NINL: variants seen among roughly 807,000 people sequenced by gnomAD.
NINL encodes the protein ninein-like protein.
A neutral mutation model predicts 160.3 loss-of-function variants in NINL; 153 were observed. The ratio of observed to expected loss-of-function variants is 0.95; its 90% CI spans 0.84 to 1.09. NINL has a LOEUF of 1.09. Ranked by LOEUF, NINL falls within the 50% of genes least tolerant of loss-of-function variation. The probability of loss-of-function intolerance (pLI) is 0.00; values close to 1 mark genes in which losing one functional copy is unlikely to be tolerated. For synonymous variants in NINL, 800 were observed against 734.8 expected, an observed-to-expected ratio of 1.09 and a Z score of -1.43; for missense variants, 1,829 against 1,764.0, an observed-to-expected ratio of 1.04 and a Z score of -0.66.
intron 17 of NINL, among the ~76,000 whole-genome samples, chr20:25,475,753 G>A (rs2146501830): frequency 6.6e-6 from 1 of 152,310 alleles, no homozygotes; most frequent in Middle Eastern, 3.4e-3. Flanking sequence ...CCAGCTACTT[G>A]GGAGGCTGAT....
At chr20:25,490,235 C>T (rs1343694713) in intron 11 of NINL, among the ~76,000 whole-genome samples, 2 of 152,226 alleles carry the variant, frequency 1.3e-5, no homozygotes, top group African/African-American at 4.8e-5. Flanking sequence ...CCCTCCCTTA[C>T]CCTGTGCTCA....
At chr20:25,512,332 A>AT (rs2064085495) in intron 4 of NINL, among the ~76,000 whole-genome samples, 1 of 152,176 alleles carries the variant, frequency 6.6e-6, no homozygotes, top group Non-Finnish European at 1.5e-5. Flanking sequence ...CTCTTAGCAC[A>AT]TTGACGCTTC....
intron 17 of NINL, among the ~76,000 whole-genome samples, chr20:25,472,239 T>C (rs1003635557): frequency 6.8e-6 from 1 of 146,868 alleles, no homozygotes; most frequent in Non-Finnish European, 1.5e-5. Flanking sequence ...AGACAGAAGA[T>C]GGAAAATATA....
intron 1 of NINL, among the ~76,000 whole-genome samples, chr20:25,546,623 G>C (rs1336697797): frequency 6.6e-6 from 1 of 151,918 alleles, no homozygotes; most frequent in Non-Finnish European, 1.5e-5. Flanking sequence ...CCTTAATAAA[G>C]AGCTCCTAAA....
chr20:25,550,821 C>T (rs2064799722), intron 1 of NINL, among the ~76,000 whole-genome samples: 2 of 152,296 alleles, frequency 1.3e-5, no homozygotes, highest in South Asian at 4.1e-4. Context: ...ATTCCATTCC[C>T]AGGGACCAGC....
At chr20:25,478,365 G>C (rs1251464097) in intron 16 of NINL, among the ~76,000 whole-genome samples, 2 of 152,198 alleles carry the variant, frequency 1.3e-5, no homozygotes, top group African/African-American at 4.8e-5. Flanking sequence ...CTGAGCAGCA[G>C]CCTGTCTGCG....
rs1176471409 is a variant in NINL at position 25,505,024 on chromosome 20, C to T, written c.572G>A (p.Ser191Asn). Residue 191 changes from serine (S) to asparagine (N), a missense_variant, in exon 6 of 24, where the codon AGC becomes AAC. Coordinates refer to ENST00000278886, the MANE Select transcript of NINL (RefSeq NM_025176.6). Reference sequence around the variant, plus strand: ...GCTCTCTGGGGTGTCAAAGGAGGGGCTGCAGGACTTCTGGGGGCTCCCAAA... The same window carrying T: ...GCTCTCTGGGGTGTCAAAGGAGGGGTTGCAGGACTTCTGGGGGCTCCCAAA... ...EDFGSPQKSC[S>N]PSFDTPESQI... is the part of the protein sequence containing the mutation. 6.2e-7 allele frequency: 1 copy of T among 1,612,594 alleles called. No homozygotes were observed. The highest frequency in any genetic ancestry group is 1.3e-5 in the African/African-American group (1 of 75,014).
intron 13 of NINL, among the ~76,000 whole-genome samples, chr20:25,483,309 G>A (rs922464860): frequency 8.6e-5 from 13 of 151,438 alleles, no homozygotes; most frequent in Non-Finnish European, 1.6e-4. Flanking sequence ...ACTCCAGCCT[G>A]GTGACAGAAC....
intron 9 of NINL, 107 bp downstream of exon 9, chr20:25,498,103 T>C (rs755949063): frequency 1.9e-5 from 26 of 1,337,106 alleles, no homozygotes; most frequent in Admixed American, 1.4e-4. Flanking sequence ...GGACTGGCCA[T>C]GTGGGGTGGA....
chr20:25,532,819 G>T (rs1352931697), intron 1 of NINL, among the ~76,000 whole-genome samples: 1 of 152,174 alleles, frequency 6.6e-6, no homozygotes, highest in Non-Finnish European at 1.5e-5. Context: ...AGGAAACGAG[G>T]AGGTACTGTC....
At chr20:25,544,206 C>T (rs1000622398) in intron 1 of NINL, among the ~76,000 whole-genome samples, 3 of 150,728 alleles carry the variant, frequency 2.0e-5, no homozygotes, top group South Asian at 2.1e-4. Flanking sequence ...GGAATCTGGA[C>T]GGGAAAACAG....
chr20:25,506,046 G>A (rs1352642188), intron 5 of NINL, among the ~76,000 whole-genome samples: 2 of 152,180 alleles, frequency 1.3e-5, no homozygotes, highest in Non-Finnish European at 2.9e-5. Context: ...GGTAGATCAC[G>A]AGGTCAGGAG....
intron 8 of NINL, chr20:25,499,052 C>A: frequency 1.0e-6 from 1 of 985,466 alleles, no homozygotes; most frequent in Non-Finnish European, 1.2e-6. Context: ...CTACAAACGC[C>A]CTGCTCAGGC....
At chr20:25,570,784 C>T (rs2147169853) in intron 1 of NINL, among the ~76,000 whole-genome samples, 1 of 134,584 alleles carries the variant, frequency 7.4e-6, no homozygotes, top group Non-Finnish European at 1.5e-5. Context: ...CTCACTGCAA[C>T]CTCCACCTCC....
chr20:25,580,149 G>A (rs4815435), intron 1 of NINL, among the ~76,000 whole-genome samples: 1,635 of 152,190 alleles, frequency 0.011, 77 homozygotes, highest in Admixed American at 0.079. Flanking sequence ...CGTAGACAAC[G>A]TGGTGAAACC....
chr20:25,513,047 C>T (rs766529052), intron 3 of NINL, 41 bp from the exon 4 acceptor site: 14 of 1,570,996 alleles, frequency 8.9e-6, no homozygotes, highest in Non-Finnish European at 1.2e-5. Flanking sequence ...TCCTTTATAG[C>T]AGTTCTGGGC....
chr20:25,516,361 A>T (rs439642), intron 3 of NINL, among the ~76,000 whole-genome samples: 4,124 of 152,298 alleles, frequency 0.027, 180 homozygotes, highest in African/African-American at 0.09. Flanking sequence ...TTAAAATTCT[A>T]ATTGGAAAAG....
intron 1 of NINL, among the ~76,000 whole-genome samples, chr20:25,544,982 C>G (rs950544378): frequency 6.6e-6 from 1 of 152,188 alleles, no homozygotes. Flanking sequence ...GTAAGTATGA[C>G]AAGTGAGATG....
rs2062819602 is a variant in NINL at position 25,462,612 on chromosome 20, C to T, written c.3424-71G>A. On this transcript the variant is annotated intron_variant, in intron 19 of 23. Transcript: ENST00000278886. ...TTTTCATGTTATATATACATTTGCC[C>T]ATCATTGGCTATATTTTTATTAAGT... The T allele has an allele frequency of 7.0e-6, 9 of 1,293,402 alleles. No individual in the cohort carries two copies. In the East Asian group the frequency reaches 1.5e-4, roughly 21 times the overall value. The allele number at this position is 1,293,402 out of a possible 1,614,324, so 80.1% of individuals were successfully genotyped here.
Sources: allele counts gnomAD v4.1 joint callset (sites outside exome capture counted in the v4.1 genomes callset), GRCh38; gene constraint gnomAD v4.1.1; transcripts MANE v1.5; gene names NCBI Gene and HGNC (gene_info 2026-07-23, HGNC 2026-07-21).